Variants in ZNF506 observed in about 807,000 individuals in gnomAD.
The protein encoded by ZNF506 is zinc finger protein 506.
A neutral mutation model predicts 11.6 loss-of-function variants in ZNF506; 10 were observed. That is an observed-to-expected ratio of 0.86 (90% confidence interval 0.53 to 1.46). The LOEUF (loss-of-function observed/expected upper bound fraction) is 1.46, where lower values mean the gene tolerates loss of function less well. Ranked by LOEUF, ZNF506 falls within the 40% of genes most tolerant of loss-of-function variation. ZNF506 has a pLI of 0.00. For synonymous variants in ZNF506, 156 were observed against 173.3 expected (o/e 0.90, Z 0.78); for missense variants, 425 against 521.2 (o/e 0.82, Z 1.80).
chr19:19,806,211 T>C (rs1232251777), intron 2 of ZNF506, 85 bp from the exon 3 acceptor site: 3 of 972,334 alleles, frequency 3.1e-6, no homozygotes, highest in East Asian at 3.1e-5. Flanking sequence ...GAGGATGTGA[T>C]AAAGTATTCT....
At chr19:19,810,553 A>AT (rs2062875776) in intron 1 of ZNF506, among the ~76,000 whole-genome samples, 1 of 152,090 alleles carries the variant, frequency 6.6e-6, no homozygotes, top group Non-Finnish European at 1.5e-5. Context: ...CGGTCATCAA[A>AT]ATTTTTTTAA....
chr19:19,816,560 C>A (rs565001504), intron 1 of ZNF506, among the ~76,000 whole-genome samples: 23 of 152,130 alleles, frequency 1.5e-4, no homozygotes, highest in South Asian at 6.2e-4. Context: ...GGGTTTCACC[C>A]TGTTAGCCAG....
intron 1 of ZNF506, among the ~76,000 whole-genome samples, chr19:19,814,267 G>T (rs932228963): frequency 6.6e-6 from 1 of 151,870 alleles, no homozygotes; most frequent in Non-Finnish European, 1.5e-5. Flanking sequence ...AATTATCCGG[G>T]GTTGGTGGCA....
chr19:19,798,948 A>T (rs542046980), intron 3 of ZNF506: 1 of 152,376 alleles, frequency 6.6e-6, no homozygotes, highest in East Asian at 1.9e-4. Flanking sequence ...CTGAGATCTA[A>T]TGATAAGAAA....
rs907328364 is a variant in ZNF506, at chr19:19,806,988, T to C, written c.84A>G (p.Leu28=). 3.1e-6 allele frequency: 5 copies of C among 1,613,934 alleles called. No homozygotes were observed. The African/African-American group carries it at 6.7e-5, about 22-fold the overall frequency. ...WHCLDAAQRN[L]YRDVMLENYR... is the part of the protein sequence containing the mutation. ...AGTTCTCTAACATCACATCCCTATA[T>C]AGATTCCGCTGTGCAGCGTCCAGGC... Residue 28 remains leucine, a synonymous_variant, in exon 2 of 4, where the codon CTA becomes CTG. Coordinates refer to ENST00000540806, the MANE Select transcript of ZNF506 (RefSeq NM_001099269.3).
intron 3 of ZNF506, among the ~76,000 whole-genome samples, chr19:19,802,860 A>G (rs898907748): frequency 6.6e-6 from 1 of 152,222 alleles, no homozygotes; most frequent in Non-Finnish European, 1.5e-5. Context: ...AAGGTTAGCT[A>G]TCCCTGACAA....
chr19:19,797,429 G>A (rs1599507635), intron 3 of ZNF506: 1 of 141,756 alleles, frequency 7.1e-6, no homozygotes, highest in South Asian at 2.3e-4. Flanking sequence ...GCGAGACTCC[G>A]TCTCAGGAAA....
chr19:19,815,425 A>G (rs540204483), intron 1 of ZNF506, among the ~76,000 whole-genome samples: 15 of 152,300 alleles, frequency 9.8e-5, no homozygotes, highest in African/African-American at 3.6e-4. Context: ...GTCTGTCATC[A>G]GAGCTTCTTT....
chr19:19,814,560 A>G (rs1418760837), intron 1 of ZNF506, among the ~76,000 whole-genome samples: 1 of 152,130 alleles, frequency 6.6e-6, no homozygotes, highest in Non-Finnish European at 1.5e-5. Flanking sequence ...GGATGGAAGG[A>G]CTAAGAGGTT....
At position 19,794,362 on chromosome 19, in the gene ZNF506, A is replaced by T. The variant is rs2145167648; in HGVS notation, c.*190T>A. On this transcript the variant is annotated 3_prime_UTR_variant, in exon 4 of 4. Transcript: ENST00000540806. ...TTATAGGCTTTGCCATATTCTTCAC[A>T]CTTGTAGGGTTTCTGTCCAGTATAA... The T allele has an allele frequency of 1.7e-6, 1 of 574,234 alleles. No homozygotes were observed. The highest frequency in any genetic ancestry group is 2.9e-6 in the Non-Finnish European group (1 of 340,046). The allele number at this position is 574,234 out of a possible 1,614,324, so 35.6% of individuals were successfully genotyped here. A position where few individuals can be genotyped will look rare whatever the true frequency, so the allele number is the denominator to read the frequency against.
At chr19:19,807,947 T>C (rs2062848381) in intron 1 of ZNF506, among the ~76,000 whole-genome samples, 2 of 152,062 alleles carry the variant, frequency 1.3e-5, no homozygotes, top group African/African-American at 4.8e-5. Flanking sequence ...AGCCCTCATT[T>C]ATCAAAGAAA....
At chr19:19,811,583 C>T (rs1184315600) in intron 1 of ZNF506, among the ~76,000 whole-genome samples, 2 of 152,082 alleles carry the variant, frequency 1.3e-5, no homozygotes, top group Non-Finnish European at 2.9e-5. Flanking sequence ...GTGGGTGGAT[C>T]GCGAGGTCAG....
At chr19:19,798,282 T>C (rs955406163) in intron 3 of ZNF506, 2 of 152,196 alleles carry the variant, frequency 1.3e-5, no homozygotes, top group Non-Finnish European at 2.9e-5. Flanking sequence ...CAACTGAAGT[T>C]AATTTTTTAC....
At chr19:19,819,968 G>C (rs552825822) in intron 1 of ZNF506, among the ~76,000 whole-genome samples, 1 of 151,978 alleles carries the variant, frequency 6.6e-6, no homozygotes, top group Non-Finnish European at 1.5e-5. Context: ...GTGGTGGCAC[G>C]CGCCTGTACT....
intron 3 of ZNF506, among the ~76,000 whole-genome samples, chr19:19,801,229 G>A (rs879924832): frequency 6.6e-6 from 1 of 151,938 alleles, no homozygotes; most frequent in Non-Finnish European, 1.5e-5. Flanking sequence ...CGTGGCTCAC[G>A]CCCATAATCC....
chr19:19,814,064 T>C (rs765353691), intron 1 of ZNF506, among the ~76,000 whole-genome samples: 2 of 151,948 alleles, frequency 1.3e-5, no homozygotes, highest in African/African-American at 2.4e-5. Flanking sequence ...AAAAAAAAGA[T>C]CATGTCCTTT....
chr19:19,816,033 AG>A (rs1317577024), intron 1 of ZNF506, among the ~76,000 whole-genome samples: 13 of 152,252 alleles, frequency 8.5e-5, no homozygotes, highest in Admixed American at 7.8e-4. Flanking sequence ...GTTTATGGAA[AG>A]AAACACCCTT....
chr19:19,792,877 T>A lies in ZNF506; in HGVS notation c.*1675A>T, dbSNP rs2062705455. On this transcript the variant is annotated 3_prime_UTR_variant, in exon 4 of 4. Coordinates refer to ENST00000540806, the MANE Select transcript of ZNF506 (RefSeq NM_001099269.3). ...GATTATACAAATGAGAACCCCCACCTTATACATTACTTAATATAAGTTAAC... is the reference window on the plus strand; with the variant it reads ...GATTATACAAATGAGAACCCCCACCATATACATTACTTAATATAAGTTAAC... Among the ~76,000 whole-genome samples the A allele has an allele frequency of 6.6e-6, 1 of 151,696 alleles. No individual in the cohort carries two copies. Among genetic ancestry groups the A allele is most frequent in the Non-Finnish European group, 1.5e-5 (1 of 68,012 alleles).
At position 19,821,680 on chromosome 19, in the gene ZNF506, G is replaced by A. The variant is rs2062968350; in HGVS notation, c.-77C>T. 5.7e-6 allele frequency: 9 copies of A among 1,573,640 alleles called. No homozygotes were observed. The highest frequency in any genetic ancestry group is 3.3e-5 in the Admixed American group (2 of 59,886). On this transcript the variant is annotated 5_prime_UTR_variant, in exon 1 of 4. Coordinates refer to ENST00000540806, the MANE Select transcript of ZNF506 (RefSeq NM_001099269.3). Reference sequence around the variant, plus strand: ...TGCAGGTCACAGGGCCACAGAGGCTGGGCCTCTAGGAGCTGACGGCACAGA... The same window carrying A: ...TGCAGGTCACAGGGCCACAGAGGCTAGGCCTCTAGGAGCTGACGGCACAGA...
Sources: gnomAD v4.1 joint callset for allele counts (sites outside exome capture counted in the v4.1 genomes callset) on GRCh38, gnomAD v4.1.1 for gene constraint, MANE v1.5 for transcripts, NCBI Gene and HGNC (gene_info 2026-07-23, HGNC 2026-07-21) for gene names.